ARHGEF28: variants seen among roughly 807,000 people sequenced by gnomAD.
ARHGEF28 encodes 190 kDa guanine nucleotide exchange factor.
Under a neutral mutation model 206.6 loss-of-function variants are expected in ARHGEF28, and 152 were observed. That is an observed-to-expected ratio of 0.74 (90% CI 0.64 to 0.84). The LOEUF is 0.84. Among genes scored for constraint, ARHGEF28 ranks in the 40% least tolerant of loss-of-function variants. ARHGEF28 has a pLI of 0.00. For synonymous variants in ARHGEF28, 763 were observed against 776.4 expected (o/e 0.98, Z 0.29); for missense variants, 2,028 against 2,073.2 (o/e 0.98, Z 0.42).
At chr5:73,755,001 GGATTATA>G in intron 4 of ARHGEF28, among the ~76,000 whole-genome samples, 1 of 151,544 alleles carries the variant, frequency 6.6e-6, no homozygotes, top group East Asian at 1.9e-4. Context: ...CCAGTAGCTG[GGATTATA>G]GGCACCTGGC....
chr5:73,747,155 A>G (rs1212206496), intron 2 of ARHGEF28, among the ~76,000 whole-genome samples: 3 of 152,186 alleles, frequency 2.0e-5, no homozygotes, highest in Non-Finnish European at 1.5e-5. Flanking sequence ...TTCTATGTAG[A>G]AGCAGAGTGA....
At chr5:73,815,963 T>C (rs557499669) in intron 9 of ARHGEF28, among the ~76,000 whole-genome samples, 96 of 152,314 alleles carry the variant, frequency 6.3e-4, no homozygotes, top group African/African-American at 2.3e-3. Context: ...GATTTAGTTA[T>C]GAAGAGCGGG....
intron 7 of ARHGEF28, among the ~76,000 whole-genome samples, chr5:73,790,637 C>T (rs1376299101): frequency 6.7e-6 from 1 of 149,944 alleles, no homozygotes; most frequent in Non-Finnish European, 1.5e-5. Flanking sequence ...ATATTTATAC[C>T]GAGCAGGCAA....
At chr5:73,927,181 C>T (rs558500118) in intron 35 of ARHGEF28, among the ~76,000 whole-genome samples, 3 of 150,954 alleles carry the variant, frequency 2.0e-5, no homozygotes, top group South Asian at 2.1e-4. Context: ...GGCAACATAG[C>T]GAGAGCCCAT....
At chr5:73,827,081 A>G (rs1253821455) in intron 9 of ARHGEF28, among the ~76,000 whole-genome samples, 6 of 152,136 alleles carry the variant, frequency 3.9e-5, no homozygotes, top group Admixed American at 1.3e-4. Context: ...TGCAGTTATA[A>G]TCCCTCCCAT....
At chr5:73,769,974 G>A (rs1456675317) in intron 4 of ARHGEF28, among the ~76,000 whole-genome samples, 2 of 152,268 alleles carry the variant, frequency 1.3e-5, no homozygotes, top group East Asian at 3.9e-4. Context: ...TGATCGATTA[G>A]CCTACATTTG....
chr5:73,867,874 A>G lies in ARHGEF28; in HGVS notation c.2153-2A>G. The G allele has an allele frequency of 1.9e-6, 3 of 1,613,962 alleles. No individual in the cohort carries two copies. The highest frequency in any genetic ancestry group is 1.7e-6 in the Non-Finnish European group (2 of 1,179,874). On this transcript the variant is annotated splice_acceptor_variant, in intron 18 of 35. Transcript: ENST00000513042. LOFTEE classifies it high-confidence loss of function. ...ACATGAAGCATCTGTTCTGATTTCCAGATTCTTCATTTAGAGACATCCCAC... is the reference window on the plus strand; with the variant it reads ...ACATGAAGCATCTGTTCTGATTTCCGGATTCTTCATTTAGAGACATCCCAC...
intron 33 of ARHGEF28, 152 bp downstream of exon 33, chr5:73,904,557 A>T: frequency 1.2e-6 from 1 of 825,798 alleles, no homozygotes; most frequent in East Asian, 2.7e-5. Flanking sequence ...TGTTGGACTC[A>T]CATGGTTTTG....
At chr5:73,644,945 A>G (rs376321959) in intron 1 of ARHGEF28, among the ~76,000 whole-genome samples, 1 of 152,242 alleles carries the variant, frequency 6.6e-6, no homozygotes, top group Non-Finnish European at 1.5e-5. Flanking sequence ...TCTCTGTACA[A>G]GAAAGAGATT....
intron 2 of ARHGEF28, among the ~76,000 whole-genome samples, chr5:73,693,207 G>A (rs980178298): frequency 2.6e-5 from 4 of 152,082 alleles, no homozygotes; most frequent in Admixed American, 2.6e-4. Context: ...CACTGGTAAC[G>A]ACCTTCCCCA....
Position 73,885,853 on chromosome 5 carries a change from GAACT to G in ARHGEF28, c.3060_3063del (p.Thr1021ArgfsTer12). On this transcript the variant is annotated frameshift_variant, in exon 25 of 36. Coordinates refer to ENST00000513042, the MANE Select transcript of ARHGEF28 (RefSeq NM_001177693.2). LOFTEE classifies it high-confidence loss of function. ...TTTGTTTCTTTTTCCCACGCAGAAA[GAACT>G]GAGGAACATAAAGACTTACGCAAAG... is the stretch of plus-strand genomic sequence containing the variant. 2 of 1,606,316 alleles carry G rather than the reference GAACT, an allele frequency of 1.2e-6. No homozygotes were observed. Among genetic ancestry groups the G allele is most frequent in the Middle Eastern group, 1.7e-4 (1 of 5,786 alleles).
intron 1 of ARHGEF28, among the ~76,000 whole-genome samples, chr5:73,652,343 G>T (rs979746184): frequency 2.6e-5 from 4 of 152,202 alleles, no homozygotes; most frequent in African/African-American, 7.2e-5. Flanking sequence ...CTTCATGGAG[G>T]AAGTGAAGTG....
intron 35 of ARHGEF28, among the ~76,000 whole-genome samples, chr5:73,933,919 TG>T (rs1259611707): frequency 1.3e-5 from 2 of 149,364 alleles, no homozygotes; most frequent in Admixed American, 6.6e-5. Flanking sequence ...GTCTCATAAA[TG>T]TTTTTTTTTT....
chr5:73,654,469 A>C (rs930490742), intron 1 of ARHGEF28, among the ~76,000 whole-genome samples: 5 of 152,094 alleles, frequency 3.3e-5, no homozygotes, highest in Admixed American at 1.3e-4. Flanking sequence ...TTAGAAGCTG[A>C]ATCTTTAGTC....
intron 1 of ARHGEF28, among the ~76,000 whole-genome samples, chr5:73,652,124 G>GTAT (rs34436644): frequency 0.47 from 70,865 of 151,694 alleles, 16,980 homozygotes; most frequent in Admixed American, 0.57. Context: ...TCTCTATGTT[G>GTAT]TAACTATTTT....
At chr5:73,883,986 A>T (rs1281165604) in intron 24 of ARHGEF28, 102 bp downstream of exon 24, 2 of 558,766 alleles carry the variant, frequency 3.6e-6, no homozygotes, top group Non-Finnish European at 5.5e-6. Context: ...TCTGATTCAT[A>T]AAGAGTTTCA....
At chr5:73,711,352 T>C (rs1749233861) in intron 2 of ARHGEF28, among the ~76,000 whole-genome samples, 1 of 152,182 alleles carries the variant, frequency 6.6e-6, no homozygotes, top group Non-Finnish European at 1.5e-5. Flanking sequence ...GTTAACTATA[T>C]ATATGAATAA....
At chr5:73,907,337 C>G (rs1345530981) in intron 33 of ARHGEF28, among the ~76,000 whole-genome samples, 1 of 150,258 alleles carries the variant, frequency 6.7e-6, no homozygotes, top group African/African-American at 2.5e-5. Flanking sequence ...ATTCAAGGTT[C>G]GGAAAAGCTG....
chr5:73,644,742 A>T (rs186357450), intron 1 of ARHGEF28, among the ~76,000 whole-genome samples: 3 of 152,350 alleles, frequency 2.0e-5, no homozygotes. Context: ...GCTAGTCATT[A>T]GAACCACCTG....
Sources: gnomAD v4.1 joint callset for allele counts (sites outside exome capture counted in the v4.1 genomes callset) on GRCh38, gnomAD v4.1.1 for gene constraint, MANE v1.5 for transcripts, NCBI Gene and HGNC (gene_info 2026-07-23, HGNC 2026-07-21) for gene names.